The following CNTNAP2 variants were observed in gnomAD, a reference collection of about 807,000 sequenced individuals.
The protein encoded by CNTNAP2 is contactin associated protein 2.
In CNTNAP2, 98 loss-of-function variants were observed where a neutral mutation model predicts 155.2. The observed-to-expected ratio is 0.63, with a 90% CI of 0.54 to 0.75. The LOEUF is 0.75. Ranked by LOEUF, CNTNAP2 falls within the 30% of genes least tolerant of loss-of-function variation. The pLI is 0.00. For missense variants in CNTNAP2, 1,727 were observed against 1,688.1 expected (o/e 1.02, Z -0.40); for synonymous variants, 651 against 631.2 (o/e 1.03, Z -0.47).
intron 10 of CNTNAP2, among the ~76,000 whole-genome samples, chr7:147,433,351 T>C (rs1011694659): frequency 1.3e-5 from 2 of 152,220 alleles, no homozygotes; most frequent in South Asian, 4.1e-4. Context: ...TTGAAAATTC[T>C]GCCTGAAACT....
At chr7:147,293,715 A>G (rs1440137520) in intron 8 of CNTNAP2, among the ~76,000 whole-genome samples, 1 of 152,118 alleles carries the variant, frequency 6.6e-6, no homozygotes, top group Non-Finnish European at 1.5e-5. Context: ...GTCTCTAATA[A>G]GAGCAACATC....
intron 3 of CNTNAP2, among the ~76,000 whole-genome samples, chr7:147,042,884 TTAAA>T (rs1175642099): frequency 2.0e-5 from 3 of 152,096 alleles, no homozygotes; most frequent in Non-Finnish European, 4.4e-5. Context: ...TTAAGATAAT[TTAAA>T]TAAATCGAAA....
intron 1 of CNTNAP2, among the ~76,000 whole-genome samples, chr7:146,651,891 T>A (rs966291748): frequency 9.2e-5 from 14 of 152,130 alleles, no homozygotes; most frequent in African/African-American, 3.4e-4. Flanking sequence ...AAAAACCTTT[T>A]CAAGTAACAG....
intron 3 of CNTNAP2, among the ~76,000 whole-genome samples, chr7:146,972,411 A>C (rs1390263918): frequency 9.2e-5 from 14 of 152,290 alleles, no homozygotes. Flanking sequence ...TCAAAATTTA[A>C]CATTTGTGTT....
intron 10 of CNTNAP2, among the ~76,000 whole-genome samples, chr7:147,398,589 CTTTT>C (rs58507416): frequency 6.8e-5 from 6 of 87,732 alleles, no homozygotes; most frequent in African/African-American, 1.4e-4. Flanking sequence ...ACGATTTGAA[CTTTT>C]TTTTTTTTTT....
At chr7:146,835,707 C>G (rs1803603807) in intron 2 of CNTNAP2, among the ~76,000 whole-genome samples, 1 of 152,046 alleles carries the variant, frequency 6.6e-6, no homozygotes, top group South Asian at 2.1e-4. Context: ...ACTAGAATCT[C>G]CAGGATACAC....
intron 3 of CNTNAP2, among the ~76,000 whole-genome samples, chr7:146,951,739 C>G (rs1274666203): frequency 6.6e-6 from 1 of 152,074 alleles, no homozygotes; most frequent in Non-Finnish European, 1.5e-5. Flanking sequence ...ATTTCTCCAG[C>G]TTTGTTCTTT....
intron 10 of CNTNAP2, among the ~76,000 whole-genome samples, chr7:147,483,796 T>C (rs933717022): frequency 6.6e-6 from 1 of 152,210 alleles, no homozygotes; most frequent in African/African-American, 2.4e-5. Flanking sequence ...CTGCTCTGGA[T>C]GTAAACACCT....
At chr7:148,144,805 C>T (rs1805144518) in intron 16 of CNTNAP2, among the ~76,000 whole-genome samples, 1 of 152,226 alleles carries the variant, frequency 6.6e-6, no homozygotes, top group African/African-American at 2.4e-5. Flanking sequence ...TGGAGACACA[C>T]ATTAAGCGAG....
At chr7:146,813,329 C>T (rs974388246) in intron 2 of CNTNAP2, among the ~76,000 whole-genome samples, 2 of 152,070 alleles carry the variant, frequency 1.3e-5, no homozygotes, top group African/African-American at 4.8e-5. Context: ...GTCACAGGGG[C>T]GGAGCTCCTG....
chr7:147,589,716 G>GT (rs1168280964), intron 12 of CNTNAP2, among the ~76,000 whole-genome samples: 26 of 152,200 alleles, frequency 1.7e-4, no homozygotes, highest in African/African-American at 5.5e-4. Context: ...TTCTCTCTAA[G>GT]TTTTTTCCAT....
chr7:147,716,512 G>T (rs541237414), intron 13 of CNTNAP2, among the ~76,000 whole-genome samples: 1 of 152,060 alleles, frequency 6.6e-6, no homozygotes, highest in Non-Finnish European at 1.5e-5. Context: ...TTATGCAGGC[G>T]AGTTCTCTGC....
intron 14 of CNTNAP2, among the ~76,000 whole-genome samples, chr7:147,966,140 T>C (rs1353995391): frequency 6.6e-6 from 1 of 152,152 alleles, no homozygotes; most frequent in Non-Finnish European, 1.5e-5. Flanking sequence ...GAATCACTTA[T>C]ATGGATCTGT....
At chr7:146,390,938 G>A (rs528334508) in intron 1 of CNTNAP2, among the ~76,000 whole-genome samples, 2 of 149,186 alleles carry the variant, frequency 1.3e-5, no homozygotes, top group Non-Finnish European at 3.0e-5. Flanking sequence ...ACGGTGGCAC[G>A]TGCCTGTAGT....
intron 1 of CNTNAP2, among the ~76,000 whole-genome samples, chr7:146,276,273 ACTC>A (rs1350799245): frequency 6.6e-6 from 1 of 152,070 alleles, no homozygotes; most frequent in Non-Finnish European, 1.5e-5. Flanking sequence ...GAAGATAGAT[ACTC>A]CTCATAGAAC....
chr7:146,569,305 C>T (rs1035297045), intron 1 of CNTNAP2, among the ~76,000 whole-genome samples: 7 of 152,160 alleles, frequency 4.6e-5, no homozygotes, highest in Non-Finnish European at 1.0e-4. Flanking sequence ...AGGCGTGAGC[C>T]GCCGCGCCCG....
chr7:147,522,698 T>A (rs1248033133), intron 11 of CNTNAP2, among the ~76,000 whole-genome samples: 1 of 151,440 alleles, frequency 6.6e-6, no homozygotes, highest in Non-Finnish European at 1.5e-5. Flanking sequence ...GAATGCCTTT[T>A]TAAATCCATT....
At chr7:147,181,194 T>TG (rs1018658378) in intron 8 of CNTNAP2, among the ~76,000 whole-genome samples, 3 of 152,124 alleles carry the variant, frequency 2.0e-5, no homozygotes, top group South Asian at 2.1e-4. Context: ...TAGTTTGAGC[T>TG]GGGGGGACAG....
intron 3 of CNTNAP2, among the ~76,000 whole-genome samples, chr7:146,972,999 G>A (rs1052216404): frequency 6.6e-6 from 1 of 152,050 alleles, no homozygotes; most frequent in Non-Finnish European, 1.5e-5. Flanking sequence ...TAAAAATTCA[G>A]TTTCTCAGTC....
Sources: allele counts gnomAD v4.1 joint callset (sites outside exome capture counted in the v4.1 genomes callset), GRCh38; gene constraint gnomAD v4.1.1; transcripts MANE v1.5; gene names NCBI Gene and HGNC (gene_info 2026-07-23, HGNC 2026-07-21).